The following SPATA7 variants were observed in gnomAD, a reference collection of about 807,000 sequenced individuals.
SPATA7 encodes the protein spermatogenesis-associated protein 7.
A neutral mutation model predicts 51.8 loss-of-function variants in SPATA7; 43 were observed. The ratio of observed to expected loss-of-function variants is 0.83; its 90% CI spans 0.65 to 1.07. The LOEUF (loss-of-function observed/expected upper bound fraction) is 1.07. Among genes scored for constraint, SPATA7 ranks in the 50% least tolerant of loss-of-function variants. SPATA7 has a pLI of 0.00. For synonymous variants in SPATA7, 230 were observed against 252.8 expected, an observed-to-expected ratio of 0.91 and a Z score of 0.86; for missense variants, 683 against 701.3, an observed-to-expected ratio of 0.97 and a Z score of 0.30.
At chr14:88,438,484 AATGT>A (rs539870510), downstream of SPATA7, 5 of 1,273,158 alleles carry the variant, frequency 3.9e-6, no homozygotes, top group Admixed American at 7.6e-5. Context: ...CCTTTTTTAA[AATGT>A]ATGTATAAGA....
chr14:88,467,302 G>C (rs2077379999), intron 4 of SPATA7: 1 of 152,062 alleles, frequency 6.6e-6, no homozygotes, highest in African/African-American at 2.4e-5. Flanking sequence ...AACCACCCTA[G>C]GCAATTGTTT....
chr14:88,438,766 A>T (rs2077157694), downstream of SPATA7, among the ~76,000 whole-genome samples: 1 of 152,238 alleles, frequency 6.6e-6, no homozygotes, highest in Non-Finnish European at 1.5e-5. Flanking sequence ...CAGTGGCTAG[A>T]GGCTGCCTAT....
chr14:88,404,854 A>G (rs1397563347), intron 4 of SPATA7, among the ~76,000 whole-genome samples: 2 of 152,226 alleles, frequency 1.3e-5, no homozygotes, highest in East Asian at 1.9e-4. Context: ...GGCCCCTGCT[A>G]TGTGCTAGAC....
chr14:88,394,408 A>G (rs926874161), intron 3 of SPATA7, among the ~76,000 whole-genome samples: 1 of 152,162 alleles, frequency 6.6e-6, no homozygotes, highest in African/African-American at 2.4e-5. Flanking sequence ...AAATGGAATC[A>G]TGTATCGTTT....
chr14:88,449,492 A>G (rs1002522960), intron 3 of SPATA7, among the ~76,000 whole-genome samples: 1 of 152,168 alleles, frequency 6.6e-6, no homozygotes, highest in Non-Finnish European at 1.5e-5. Flanking sequence ...TTTGTGGCCT[A>G]TCATATATGG....
intron 5 of SPATA7, 91 bp downstream of exon 5, chr14:88,416,935 C>G: frequency 8.6e-7 from 1 of 1,161,976 alleles, no homozygotes; most frequent in Non-Finnish European, 1.2e-6. Flanking sequence ...AGTTTAGGGT[C>G]AGCAAATTTT....
chr14:88,447,846 A>G (rs926473770), intron 3 of SPATA7, among the ~76,000 whole-genome samples: 4 of 152,156 alleles, frequency 2.6e-5, no homozygotes, highest in African/African-American at 9.7e-5. Flanking sequence ...GTTTCTGCCG[A>G]GAGATCCGCT....
intron 3 of SPATA7, among the ~76,000 whole-genome samples, chr14:88,443,728 G>A (rs2077193753): frequency 6.6e-6 from 1 of 151,466 alleles, no homozygotes; most frequent in African/African-American, 2.4e-5. Flanking sequence ...GTGAGAACAT[G>A]TGGTGTTTGG....
downstream of SPATA7, among the ~76,000 whole-genome samples, chr14:88,459,756 T>C (rs563168251): frequency 7.2e-4 from 109 of 152,210 alleles, 1 homozygote; most frequent in Middle Eastern, 3.2e-3. Flanking sequence ...ATCCTGTCAT[T>C]ATGATGTTAG....
intron 5 of SPATA7, among the ~76,000 whole-genome samples, chr14:88,419,700 T>C (rs537468634): frequency 6.6e-6 from 1 of 152,214 alleles, no homozygotes; most frequent in Admixed American, 6.5e-5. Context: ...TAATTTTTTG[T>C]ATTTTTAGTA....
chr14:88,460,345 C>G, intron 4 of SPATA7, among the ~76,000 whole-genome samples: 1 of 152,118 alleles, frequency 6.6e-6, no homozygotes, highest in Admixed American at 6.5e-5. Context: ...TTCAGGTACA[C>G]CAATCAGACA....
intron 4 of SPATA7, among the ~76,000 whole-genome samples, chr14:88,401,473 A>T (rs60213984): frequency 0.23 from 34,465 of 152,128 alleles, 4,105 homozygotes; most frequent in East Asian, 0.3. Context: ...CTTCTGTTTA[A>T]CATAGTATTG....
At chr14:88,445,790 A>G (rs1235644832) in intron 3 of SPATA7, among the ~76,000 whole-genome samples, 1 of 152,126 alleles carries the variant, frequency 6.6e-6, no homozygotes, top group East Asian at 1.9e-4. Flanking sequence ...GATTACCTTT[A>G]TTGATTTGCG....
At position 88,469,375 on chromosome 14, in the gene SPATA7, T is replaced by C; in HGVS notation, c.255-472T>C. ...CTCCCCAAAACACTTGTATTCTTTA[T>C]GTTAAAACAAGTCCGAAGCTTATAT... On this transcript the variant is annotated intron_variant, in intron 4 of 4. Transcript: ENST00000556406. The surrounding 1 kb of genome is among the most constrained non-coding windows in gnomAD (Gnocchi z 4.3). The C allele has an allele frequency of 2.2e-6, 2 of 913,514 alleles. No homozygotes were observed. Among genetic ancestry groups the C allele is most frequent in the African/African-American group, 1.7e-5 (1 of 59,986 alleles). The allele number at this position is 913,514 out of a possible 1,614,324, so 56.6% of individuals were successfully genotyped here. A position where few individuals can be genotyped will look rare whatever the true frequency, so the allele number is the denominator to read the frequency against.
chr14:88,438,331 C>G lies in SPATA7; in HGVS notation c.1709C>G (p.Ser570Cys). 1 of 1,613,962 alleles carries G rather than the reference C, an allele frequency of 6.2e-7. No individual in the cohort carries two copies. Among genetic ancestry groups the G allele is most frequent in the Non-Finnish European group, 8.5e-7 (1 of 1,179,950 alleles). ...NTSPSQSVQFSSVKGDNNHDM... is the reference protein window; with the variant it reads ...NTSPSQSVQFCSVKGDNNHDM... ...TCACCCTCCCAATCTGTTCAGTTCT[C>G]CAGTGTCAAAGGCGACAATAATCAT... Residue 570 changes from serine to cysteine, a missense_variant, in exon 12 of 12, where the codon TCC (serine) becomes TGC (cysteine). By Grantham distance (112) the Ser-to-Cys change is moderately radical (BLOSUM62 -1). Coordinates refer to ENST00000393545, the MANE Select transcript of SPATA7 (RefSeq NM_018418.5).
chr14:88,387,117 A>G (rs570738891), intron 1 of SPATA7, among the ~76,000 whole-genome samples: 1 of 152,358 alleles, frequency 6.6e-6, no homozygotes, highest in South Asian at 2.1e-4. Context: ...ACTTGCCAAG[A>G]TCACAGCGGC....
At chr14:88,404,487 C>T (rs1245178098) in intron 4 of SPATA7, among the ~76,000 whole-genome samples, 4 of 152,184 alleles carry the variant, frequency 2.6e-5, no homozygotes, top group Non-Finnish European at 4.4e-5. Flanking sequence ...GAGGCCAAGA[C>T]GGGAGGATCA....
At chr14:88,409,653 G>T (rs971847638) in intron 4 of SPATA7, among the ~76,000 whole-genome samples, 3 of 151,792 alleles carry the variant, frequency 2.0e-5, no homozygotes, top group Non-Finnish European at 4.4e-5. Flanking sequence ...GTTTGCTCTC[G>T]CTCCTCTAGT....
At chr14:88,416,550 T>G (rs1405214095) in intron 4 of SPATA7, 161 bp from the exon 5 acceptor site, 3 of 622,936 alleles carry the variant, frequency 4.8e-6, no homozygotes, top group Non-Finnish European at 8.2e-6. Flanking sequence ...AAATAATTTT[T>G]AAAATGTGTT....
Sources: gnomAD v4.1 joint callset for allele counts (sites outside exome capture counted in the v4.1 genomes callset) on GRCh38, gnomAD v4.1.1 for gene constraint, Gnocchi (gnomAD v3.1) non-coding constraint, MANE v1.5 for transcripts, NCBI Gene and HGNC (gene_info 2026-07-23, HGNC 2026-07-21) for gene names.